ARHGAP39: variants seen among roughly 807,000 people sequenced by gnomAD.
ARHGAP39 encodes rho GTPase-activating protein 39.
ARHGAP39 carries 44 observed loss-of-function variants against 106.9 expected under a neutral mutation model. The observed-to-expected ratio is 0.41, with a 90% CI of 0.32 to 0.53. The LOEUF (loss-of-function observed/expected upper bound fraction) is 0.53, where lower values mean the gene tolerates loss of function less well. Among genes scored for constraint, ARHGAP39 ranks in the 20% least tolerant of loss-of-function variants. The pLI is 0.21. For synonymous variants in ARHGAP39, 768 were observed against 693.2 expected (o/e 1.11, Z -1.69); for missense variants, 1,496 against 1,577.3 (o/e 0.95, Z 0.87).
At position 144,684,816 on chromosome 8, in the gene ARHGAP39, G is replaced by A. The variant is rs1209515418; in HGVS notation, c.-82+870C>T. Among the ~76,000 whole-genome samples the A allele has an allele frequency of 6.6e-6, 1 of 152,144 alleles. No homozygotes were observed. The highest frequency in any genetic ancestry group is 1.9e-4 in the East Asian group (1 of 5,196). ...GCTCCGAGCGCCGGAGCCCCAGCCC[G>A]CGCCTGCCGCAGAGGCGAGGCCGCA... On this transcript the variant is annotated intron_variant, in intron 1 of 11. Transcript: ENST00000377307. The surrounding 1 kb of genome is among the most constrained non-coding windows in gnomAD (Gnocchi z 4.4).
At chr8:144,532,490 C>T in intron 9 of ARHGAP39, 94 bp from the exon 10 acceptor site, 1 of 1,202,764 alleles carries the variant, frequency 8.3e-7, no homozygotes, top group Non-Finnish European at 1.2e-6. Flanking sequence ...CCCTGCTGAC[C>T]CGGGGAGGGG....
At position 144,545,709 on chromosome 8, in the gene ARHGAP39, C is replaced by A; in HGVS notation, c.2061G>T (p.Lys687Asn). The change falls in exon 6 of 12, where the codon AAG (lysine) becomes AAT (asparagine). Residue 687 changes from lysine (K) to asparagine (N), a missense_variant. By Grantham distance (94) the Lys-to-Asn change is moderately conservative. Transcript: ENST00000377307. ...SCVFPTFTLR[K>N]PSSETDIENW... Reference sequence around the variant, plus strand: ...TCTCGATGTCCGTCTCCGAGGAGGGCTTGCGCAGCGTGAAAGTGGGGAAGA... The same window carrying A: ...TCTCGATGTCCGTCTCCGAGGAGGGATTGCGCAGCGTGAAAGTGGGGAAGA... 1 of 1,613,006 alleles carries A rather than the reference C, an allele frequency of 6.2e-7. No individual in the cohort carries two copies.
chr8:144,629,295 T>C (rs532507824), intron 1 of ARHGAP39, among the ~76,000 whole-genome samples: 1 of 152,238 alleles, frequency 6.6e-6, no homozygotes, highest in East Asian at 1.9e-4. Context: ...TGGCGACACC[T>C]CAAGAGCAGA....
rs994203022 is a variant in ARHGAP39 at position 144,548,726 on chromosome 8, G to C, written c.597-237C>G. ...CAGGTGTCTGTCTGCTCTGATCCCA[G>C]CTCCTGACCGGGCACAGGGCTGCTT... On this transcript the variant is annotated intron_variant, in intron 4 of 11. Transcript: ENST00000377307. This position sits in a 1 kb window ranked among gnomAD's most constrained non-coding sequence, Gnocchi z 7.4. Among the ~76,000 whole-genome samples the C allele has an allele frequency of 2.0e-5, 3 of 152,322 alleles. No homozygotes were observed. The East Asian group carries it at 5.8e-4, about 29-fold the overall frequency.
At position 144,641,733 on chromosome 8, in the gene ARHGAP39, C is replaced by G. The variant is rs953738524; in HGVS notation, c.-81-36038G>C. Among the ~76,000 whole-genome samples the G allele has an allele frequency of 6.6e-5, 10 of 152,254 alleles. No individual in the cohort carries two copies. Among genetic ancestry groups the G allele is most frequent in the Admixed American group, 2.6e-4 (4 of 15,286 alleles). On this transcript the variant is annotated intron_variant, in intron 1 of 11. Transcript: ENST00000377307. This position sits in a 1 kb window ranked among gnomAD's most constrained non-coding sequence, Gnocchi z 5.2. Reference sequence around the variant, plus strand: ...AACGCAGACCCAGGATGCACCCAAGCTCCTGCCACAGTCTGAGCTGGCCCC... The same window carrying G: ...AACGCAGACCCAGGATGCACCCAAGGTCCTGCCACAGTCTGAGCTGGCCCC...
the ARHGAP39 span, among the ~76,000 whole-genome samples, chr8:144,698,283 T>C: frequency 1.3e-5 from 2 of 152,166 alleles, no homozygotes; most frequent in African/African-American, 4.8e-5. Flanking sequence ...TCTTCCACCA[T>C]AAGTGAAAGC....
Position 144,530,569 on chromosome 8 carries a change from G to A in ARHGAP39, c.3198C>T (p.Ser1066=). 1 of 1,611,798 alleles carries A rather than the reference G, an allele frequency of 6.2e-7. No homozygotes were observed. Reference sequence around the variant, plus strand: ...TGGGCGCCATCACCATGGCCAGGTTGCTGACATCCATCTTGGTGACCGCGA... The same window carrying A: ...TGGGCGCCATCACCATGGCCAGGTTACTGACATCCATCTTGGTGACCGCGA... ...ANVAVTKMDV[S]NLAMVMAPNC... is the part of the protein sequence containing the mutation. Residue 1066 remains serine, a synonymous_variant, in exon 12 of 12, where the codon AGC becomes AGT. Transcript: ENST00000377307.
At chr8:144,603,844 G>T (rs1467921897) in intron 2 of ARHGAP39, among the ~76,000 whole-genome samples, 3 of 152,288 alleles carry the variant, frequency 2.0e-5, no homozygotes, top group South Asian at 2.1e-4. Context: ...GCTGAGCAGG[G>T]CAGCTGTGCC....
intron 1 of ARHGAP39, among the ~76,000 whole-genome samples, chr8:144,611,714 T>A (rs1463463281): frequency 6.6e-6 from 1 of 152,130 alleles, no homozygotes; most frequent in Non-Finnish European, 1.5e-5. Flanking sequence ...CCTATTTATT[T>A]ATTTAAATTT....
At chr8:144,680,744 A>G (rs959216361) in intron 1 of ARHGAP39, among the ~76,000 whole-genome samples, 1 of 152,226 alleles carries the variant, frequency 6.6e-6, no homozygotes, top group Admixed American at 6.5e-5. Flanking sequence ...AAGCCACACT[A>G]AATGTTGCAC....
chr8:144,560,750 CTATGGCTGTGCTAAAGG>C (rs1418563913), intron 3 of ARHGAP39, among the ~76,000 whole-genome samples: 1 of 152,182 alleles, frequency 6.6e-6, no homozygotes, highest in African/African-American at 2.4e-5. Flanking sequence ...GGCGGTGATG[CTATGGCTGTGCTAAAGG>C]AGCATGACGT....
At chr8:144,649,829 C>A (rs1272188818) in intron 1 of ARHGAP39, among the ~76,000 whole-genome samples, 1 of 152,114 alleles carries the variant, frequency 6.6e-6, no homozygotes, top group Non-Finnish European at 1.5e-5. Flanking sequence ...ACTATGAACA[C>A]CTCTATGCAC....
At chr8:144,572,826 C>T (rs1436755416) in intron 3 of ARHGAP39, among the ~76,000 whole-genome samples, 1 of 152,190 alleles carries the variant, frequency 6.6e-6, no homozygotes, top group African/African-American at 2.4e-5. Flanking sequence ...TATAAACAGA[C>T]ATTTCTCAAA....
At chr8:144,615,902 C>T (rs539026464) in intron 1 of ARHGAP39, among the ~76,000 whole-genome samples, 12 of 152,222 alleles carry the variant, frequency 7.9e-5, no homozygotes, top group Admixed American at 2.0e-4. Context: ...TCACCAAAGC[C>T]GCCTGCTCCA....
At chr8:144,609,878 G>C (rs926417834) in intron 1 of ARHGAP39, among the ~76,000 whole-genome samples, 14 of 152,032 alleles carry the variant, frequency 9.2e-5, no homozygotes, top group African/African-American at 3.4e-4. Context: ...CAAATTCCTG[G>C]GCGAGTTTAT....
intron 1 of ARHGAP39, among the ~76,000 whole-genome samples, chr8:144,657,397 C>T (rs1028142400): frequency 2.0e-5 from 3 of 152,082 alleles, no homozygotes; most frequent in African/African-American, 7.2e-5. Context: ...AAGGTTGAGG[C>T]TGCAGCCAAC....
chr8:144,614,682 C>A (rs1820589445), intron 1 of ARHGAP39, among the ~76,000 whole-genome samples: 1 of 152,158 alleles, frequency 6.6e-6, no homozygotes, highest in Non-Finnish European at 1.5e-5. Flanking sequence ...TGTTTTGGAT[C>A]CAGATACTTG....
chr8:144,656,957 G>A (rs936766595), intron 1 of ARHGAP39, among the ~76,000 whole-genome samples: 5 of 151,842 alleles, frequency 3.3e-5, no homozygotes, highest in African/African-American at 7.3e-5. Flanking sequence ...AATCACTCAC[G>A]AAGAAATAGA....
chr8:144,603,267 A>G lies in ARHGAP39; in HGVS notation c.80+2268T>C, dbSNP rs539106293. 2.1e-3 allele frequency among the ~76,000 whole-genome samples: 265 copies of G among 128,824 alleles called. 1 individual carries two copies. The highest frequency in any genetic ancestry group is 2.8e-3 in the Non-Finnish European group (169 of 60,406). The allele number at this position is 128,824 out of a possible 152,430, so 84.5% of individuals were successfully genotyped here. On this transcript the variant is annotated intron_variant, in intron 2 of 11. Coordinates refer to ENST00000377307, the MANE Select transcript of ARHGAP39 (RefSeq NM_025251.3). ...CGTGTGTGCTCGTGTACCTGTGTGCATGTGCGTGGAGGTGTGTGTGCGTGC... is the reference window on the plus strand; with the variant it reads ...CGTGTGTGCTCGTGTACCTGTGTGCGTGTGCGTGGAGGTGTGTGTGCGTGC...
Sources: gnomAD v4.1 joint callset for allele counts (sites outside exome capture counted in the v4.1 genomes callset) on GRCh38, gnomAD v4.1.1 for gene constraint, Gnocchi (gnomAD v3.1) non-coding constraint, MANE v1.5 for transcripts, NCBI Gene and HGNC (gene_info 2026-07-23, HGNC 2026-07-21) for gene names.